BLOC1S5: variants seen among roughly 807,000 people sequenced by gnomAD.
The protein encoded by BLOC1S5 is biogenesis of lysosome-related organelles complex 1 subunit 5.
BLOC1S5 carries 27 observed loss-of-function variants against 24.3 expected under a neutral mutation model. The observed-to-expected ratio is 1.11, with a 90% CI of 0.82 to 1.53. The LOEUF (loss-of-function observed/expected upper bound fraction) is 1.53. Ranked by LOEUF, BLOC1S5 falls within the 40% of genes most tolerant of loss-of-function variation. The pLI is 0.00. For synonymous variants in BLOC1S5, 84 were observed against 74.5 expected, an observed-to-expected ratio of 1.13 and a Z score of -0.66; for missense variants, 239 against 229.4, an observed-to-expected ratio of 1.04 and a Z score of -0.27.
At chr6:8,045,615 T>C (rs959868898) in intron 2 of BLOC1S5, among the ~76,000 whole-genome samples, 1 of 152,174 alleles carries the variant, frequency 6.6e-6, no homozygotes, top group African/African-American at 2.4e-5. Context: ...GCAACAGGGC[T>C]GGAGCCTCCC....
At chr6:8,029,459 G>A (rs979329789) in intron 3 of BLOC1S5, among the ~76,000 whole-genome samples, 1 of 152,148 alleles carries the variant, frequency 6.6e-6, no homozygotes, top group African/African-American at 2.4e-5. Flanking sequence ...TGGGCTCCCT[G>A]GCAGGAGAAG....
At chr6:8,041,529 G>A (rs960777378) in intron 2 of BLOC1S5, among the ~76,000 whole-genome samples, 6 of 151,674 alleles carry the variant, frequency 4.0e-5, no homozygotes, top group Non-Finnish European at 7.4e-5. Context: ...AGCTAGGATG[G>A]TCTCGATCTC....
intron 2 of BLOC1S5, among the ~76,000 whole-genome samples, chr6:8,044,714 CT>C (rs1433158417): frequency 4.6e-5 from 7 of 152,186 alleles, no homozygotes; most frequent in Non-Finnish European, 7.3e-5. Context: ...TCTTGTTATG[CT>C]TTAGCAAAGA....
chr6:8,034,364 C>A (rs1028715306), intron 3 of BLOC1S5, among the ~76,000 whole-genome samples: 2 of 152,158 alleles, frequency 1.3e-5, no homozygotes, highest in African/African-American at 4.8e-5. Context: ...TCATTCTCAG[C>A]AAACTATCAC....
intron 2 of BLOC1S5, among the ~76,000 whole-genome samples, chr6:8,058,309 C>G (rs1041885510): frequency 3.0e-5 from 4 of 131,186 alleles, no homozygotes; most frequent in African/African-American, 1.1e-4. Flanking sequence ...CAATTGAGCC[C>G]AGGAGTTTGA....
At chr6:8,048,070 T>C (rs2815145) in intron 2 of BLOC1S5, among the ~76,000 whole-genome samples, 61,691 of 152,152 alleles carry the variant, frequency 0.41, 14,379 homozygotes, top group East Asian at 0.77. Context: ...CTCATAGATT[T>C]AGAGATATTT....
At chr6:8,061,863 A>G (rs1261991715) in intron 2 of BLOC1S5, among the ~76,000 whole-genome samples, 1 of 152,258 alleles carries the variant, frequency 6.6e-6, no homozygotes, top group Non-Finnish European at 1.5e-5. Flanking sequence ...GGAACATAGT[A>G]TGTAAGGTAG....
At chr6:8,028,948 T>C (rs1417304174) in intron 3 of BLOC1S5, among the ~76,000 whole-genome samples, 1 of 152,082 alleles carries the variant, frequency 6.6e-6, no homozygotes, top group Non-Finnish European at 1.5e-5. Flanking sequence ...CTCAGTGTTT[T>C]AGGAGACTAT....
At chr6:8,058,210 T>C (rs955306702) in intron 2 of BLOC1S5, among the ~76,000 whole-genome samples, 2 of 152,070 alleles carry the variant, frequency 1.3e-5, no homozygotes, top group African/African-American at 4.8e-5. Context: ...GCACATGTAA[T>C]GGCTGGAGGT....
At chr6:8,056,991 TG>T (rs1764331969) in intron 2 of BLOC1S5, among the ~76,000 whole-genome samples, 1 of 152,086 alleles carries the variant, frequency 6.6e-6, no homozygotes, top group Non-Finnish European at 1.5e-5. Context: ...CCGAGGCAGT[TG>T]GATCACCTGA....
chr6:8,041,094 A>G (rs1027358198), intron 3 of BLOC1S5, 45 bp downstream of exon 3: 3 of 1,550,504 alleles, frequency 1.9e-6, no homozygotes, highest in African/African-American at 1.4e-5. Context: ...TTGGTGTAGC[A>G]TTCATTTGAA....
intron 4 of BLOC1S5, among the ~76,000 whole-genome samples, chr6:8,024,506 C>T (rs1763040110): frequency 8.7e-6 from 1 of 115,248 alleles, no homozygotes; most frequent in Non-Finnish European, 1.7e-5. Flanking sequence ...CGGAGTGAGA[C>T]TCCATCTCAA....
chr6:8,033,536 C>T (rs1216413272), intron 3 of BLOC1S5, among the ~76,000 whole-genome samples: 3 of 152,144 alleles, frequency 2.0e-5, no homozygotes, highest in Non-Finnish European at 2.9e-5. Context: ...TAGAAGAAAA[C>T]CTAGGCAATA....
At chr6:8,046,463 C>A (rs928501666) in intron 2 of BLOC1S5, among the ~76,000 whole-genome samples, 9 of 152,064 alleles carry the variant, frequency 5.9e-5, no homozygotes, top group African/African-American at 2.2e-4. Context: ...GAGTGGTAAA[C>A]TTGACTATGA....
intron 3 of BLOC1S5, among the ~76,000 whole-genome samples, chr6:8,033,423 A>G (rs1290261075): frequency 6.6e-6 from 1 of 152,240 alleles, no homozygotes; most frequent in Non-Finnish European, 1.5e-5. Flanking sequence ...CTGGCTAGCC[A>G]TATGTAGGAA....
intron 4 of BLOC1S5, among the ~76,000 whole-genome samples, chr6:8,016,526 G>A (rs1262744712): frequency 6.6e-6 from 1 of 152,006 alleles, no homozygotes; most frequent in Non-Finnish European, 1.5e-5. Flanking sequence ...ATTTTTAAGT[G>A]CATTAGAAAG....
At chr6:8,055,932 G>T (rs946658758) in intron 2 of BLOC1S5, among the ~76,000 whole-genome samples, 1 of 152,128 alleles carries the variant, frequency 6.6e-6, no homozygotes, top group African/African-American at 2.4e-5. Flanking sequence ...TGGGAGGTGG[G>T]GTCTGGGCCT....
At chr6:8,040,952 C>T (rs1171713936) in intron 3 of BLOC1S5, among the ~76,000 whole-genome samples, 187 bp downstream of exon 3, 1 of 152,146 alleles carries the variant, frequency 6.6e-6, no homozygotes, top group Admixed American at 6.5e-5. Context: ...GCACACATCT[C>T]ACTTTGGAGA....
At chr6:8,041,026 G>A in intron 3 of BLOC1S5, 113 bp downstream of exon 3, 2 of 1,239,016 alleles carry the variant, frequency 1.6e-6, no homozygotes, top group South Asian at 3.2e-5. Context: ...CACTTTCTCT[G>A]TAACTGAGCT....
Sources: allele counts gnomAD v4.1 joint callset (sites outside exome capture counted in the v4.1 genomes callset), GRCh38; gene constraint gnomAD v4.1.1; transcripts MANE v1.5; gene names NCBI Gene and HGNC (gene_info 2026-07-23, HGNC 2026-07-21).